The following CRYL1 variants were observed in gnomAD, a reference collection of about 807,000 sequenced individuals.
The protein encoded by CRYL1 is crystallin lambda 1.
Under a neutral mutation model 36.6 loss-of-function variants are expected in CRYL1, and 29 were observed. The observed-to-expected ratio is 0.79, with a 90% CI of 0.59 to 1.08. The LOEUF (loss-of-function observed/expected upper bound fraction) is 1.08. CRYL1 is among the 50% of genes least tolerant of loss of function. The probability of loss-of-function intolerance (pLI) is 0.00; values close to 1 mark genes in which losing one functional copy is unlikely to be tolerated. For synonymous variants in CRYL1, 152 were observed against 151.5 expected (o/e 1.00, Z -0.02); for missense variants, 411 against 407.9 (o/e 1.01, Z -0.06).
At chr13:20,501,728 G>A (rs1241572710) in intron 2 of CRYL1, among the ~76,000 whole-genome samples, 2 of 152,180 alleles carry the variant, frequency 1.3e-5, no homozygotes, top group African/African-American at 4.8e-5. Flanking sequence ...AAAGGCCAGG[G>A]ATTGCTTCCT....
At chr13:20,459,444 C>T (rs2032763029) in intron 3 of CRYL1, among the ~76,000 whole-genome samples, 1 of 152,046 alleles carries the variant, frequency 6.6e-6, no homozygotes, top group African/African-American at 2.4e-5. Flanking sequence ...GACATGGAAC[C>T]AACCTAGACG....
At chr13:20,422,556 G>A (rs1443232140) in intron 5 of CRYL1, among the ~76,000 whole-genome samples, 1 of 152,212 alleles carries the variant, frequency 6.6e-6, no homozygotes, top group East Asian at 1.9e-4. Flanking sequence ...GCAAGTGTAA[G>A]CAAACCTGTG....
chr13:20,522,774 C>T (rs1358258817), intron 1 of CRYL1, among the ~76,000 whole-genome samples: 4 of 152,108 alleles, frequency 2.6e-5, no homozygotes, highest in African/African-American at 9.7e-5. Context: ...CAAGCTGAAT[C>T]TTGCAGTGTG....
rs990324862 is a variant in CRYL1 at position 20,415,079 on chromosome 13, G to C, written c.634-1692C>G. Among the ~76,000 whole-genome samples the C allele has an allele frequency of 3.3e-5, 5 of 152,180 alleles. No homozygotes were observed. The highest frequency in any genetic ancestry group is 5.9e-5 in the Non-Finnish European group (4 of 68,018). ...CATCGCGGCCTGGGCGGGCCCGCCT[G>C]CCCTCGGCTGAGCCCGGTTTCCCTA... On this transcript the variant is annotated intron_variant, in intron 5 of 7. Transcript: ENST00000298248. This position sits in a 1 kb window ranked among gnomAD's most constrained non-coding sequence, Gnocchi z 4.1.
At chr13:20,522,569 G>T (rs186675657) in intron 1 of CRYL1, among the ~76,000 whole-genome samples, 1 of 152,244 alleles carries the variant, frequency 6.6e-6, no homozygotes, top group Admixed American at 6.5e-5. Context: ...TTGGGACCAC[G>T]CATGGTGGAT....
In CRYL1 at chr13:20,525,675, G is replaced by T; in HGVS notation, c.41+79C>A. 8.4e-7 allele frequency: 1 copy of T among 1,196,496 alleles called. No individual in the cohort carries two copies. Among genetic ancestry groups the T allele is most frequent in the South Asian group, 2.6e-5 (1 of 38,754 alleles). The allele number at this position is 1,196,496 out of a possible 1,614,324, so 74.1% of individuals were successfully genotyped here. Reference sequence around the variant, plus strand: ...GGGACAGCGACCCGGCGCCCACCCCGAGGGCCCCACGCGAGGGCACCACGT... The same window carrying T: ...GGGACAGCGACCCGGCGCCCACCCCTAGGGCCCCACGCGAGGGCACCACGT... On this transcript the variant is annotated intron_variant, in intron 1 of 7. Coordinates refer to ENST00000298248, the MANE Select transcript of CRYL1 (RefSeq NM_015974.3). The surrounding 1 kb of genome is among the most constrained non-coding windows in gnomAD (Gnocchi z 4.3).
chr13:20,433,667 A>T (rs1299698135), intron 4 of CRYL1: 1 of 154,378 alleles, frequency 6.5e-6, no homozygotes, highest in African/African-American at 2.4e-5. Context: ...AAAAATGAAG[A>T]TTAGAAGAAC....
chr13:20,436,203 C>T (rs1024952930), intron 4 of CRYL1, among the ~76,000 whole-genome samples: 1 of 152,210 alleles, frequency 6.6e-6, no homozygotes, highest in Non-Finnish European at 1.5e-5. Context: ...AGCCGCGGCC[C>T]CCTTCCCAAG....
At chr13:20,439,939 C>A in intron 3 of CRYL1, 185 bp from the exon 4 acceptor site, 1 of 571,694 alleles carries the variant, frequency 1.7e-6, no homozygotes, top group East Asian at 2.9e-5. Context: ...TCCCTCTGCC[C>A]TTCTGCTCTC....
chr13:20,519,517 C>G (rs1388948620), intron 1 of CRYL1, among the ~76,000 whole-genome samples: 1 of 144,746 alleles, frequency 6.9e-6, no homozygotes, highest in Non-Finnish European at 1.5e-5. Context: ...AATCCCAGCA[C>G]TTTAGGAGGC....
intron 5 of CRYL1, among the ~76,000 whole-genome samples, chr13:20,414,390 TGCAGCTGCAG>T (rs1386608394): frequency 6.6e-6 from 1 of 151,914 alleles, no homozygotes; most frequent in East Asian, 1.9e-4. Context: ...ACGGACCGCC[TGCAGCTGCAG>T]GGAGTGAGAG....
intron 5 of CRYL1, chr13:20,430,779 T>A: frequency 1.0e-6 from 1 of 985,420 alleles, no homozygotes; most frequent in Non-Finnish European, 1.2e-6. Flanking sequence ...CCCACAAGGT[T>A]TAATTCAACA....
intron 3 of CRYL1, among the ~76,000 whole-genome samples, chr13:20,456,643 C>A: frequency 7.8e-6 from 1 of 128,700 alleles, no homozygotes; most frequent in Non-Finnish European, 1.7e-5. Flanking sequence ...CACACAAAGA[C>A]CACGATTCTT....
intron 4 of CRYL1, among the ~76,000 whole-genome samples, chr13:20,434,309 T>C (rs1355893975): frequency 6.6e-6 from 1 of 152,164 alleles, no homozygotes; most frequent in Admixed American, 6.5e-5. Flanking sequence ...TTTCCTGTCT[T>C]ACAAGAGGAT....
Position 20,413,298 on chromosome 13 carries a change from C to T in CRYL1, c.723G>A (p.Met241Ile). The T allele has an allele frequency of 6.2e-7, 1 of 1,611,292 alleles. No homozygotes were observed. The change falls in exon 6 of 8, where the codon ATG (methionine) becomes ATA (isoleucine). Residue 241 changes from methionine (M) to isoleucine (I), a missense_variant. Transcript: ENST00000298248. ...RYAFIGPLETMHLNAEGMLSY... is the reference protein window; with the variant it reads ...RYAFIGPLETIHLNAEGMLSY... ...GATGCATACCTTCTGCATTGAGATGCATGGTTTCCAGGGGTCCAATGAATG... is the reference window on the plus strand; with the variant it reads ...GATGCATACCTTCTGCATTGAGATGTATGGTTTCCAGGGGTCCAATGAATG...
rs558463165 is a variant in CRYL1 at position 20,442,589 on chromosome 13, C to T, written c.277-2835G>A. On this transcript the variant is annotated intron_variant, in intron 3 of 7. Transcript: ENST00000298248. ...TGTCAGTGAGACAGCTGAGAAGGCACCTGCACTCCCTCTCCAACCCAGAGA... is the reference window on the plus strand; with the variant it reads ...TGTCAGTGAGACAGCTGAGAAGGCATCTGCACTCCCTCTCCAACCCAGAGA... 3.9e-5 allele frequency among the ~76,000 whole-genome samples: 6 copies of T among 152,306 alleles called. No homozygotes were observed. In the East Asian group the frequency reaches 1.2e-3, roughly 29 times the overall value.
At chr13:20,436,703 G>C (rs907815209) in intron 4 of CRYL1, among the ~76,000 whole-genome samples, 12 of 152,158 alleles carry the variant, frequency 7.9e-5, no homozygotes, top group African/African-American at 2.9e-4. Flanking sequence ...GGGAACACGT[G>C]GCCGTGCAAC....
chr13:20,423,544 AACATG>A (rs2031865634), intron 5 of CRYL1, among the ~76,000 whole-genome samples: 1 of 152,224 alleles, frequency 6.6e-6, no homozygotes, highest in South Asian at 2.1e-4. Flanking sequence ...GTATTCTGTT[AACATG>A]ACATATCACA....
At chr13:20,420,047 G>A (rs1194292564) in intron 5 of CRYL1, among the ~76,000 whole-genome samples, 1 of 152,236 alleles carries the variant, frequency 6.6e-6, no homozygotes. Context: ...GAGCTGCTTG[G>A]CCTGTTGCCG....
Sources: allele counts gnomAD v4.1 joint callset (sites outside exome capture counted in the v4.1 genomes callset), GRCh38; gene constraint gnomAD v4.1.1; non-coding constraint Gnocchi (gnomAD v3.1); transcripts MANE v1.5; gene names NCBI Gene and HGNC (gene_info 2026-07-23, HGNC 2026-07-21).